FAM184A: variants seen among roughly 807,000 people sequenced by gnomAD.
The protein encoded by FAM184A is family with sequence similarity 184 member A, also known as protein FAM184A.
A neutral mutation model predicts 143.8 loss-of-function variants in FAM184A; 99 were observed. The observed-to-expected ratio is 0.69, with a 90% CI of 0.58 to 0.81. The LOEUF is 0.81. Among genes scored for constraint, FAM184A ranks in the 40% least tolerant of loss-of-function variants. The probability of loss-of-function intolerance (pLI) is 0.00; values close to 1 mark genes in which losing one functional copy is unlikely to be tolerated. For missense variants in FAM184A, 1,217 were observed against 1,310.5 expected (o/e 0.93, Z 1.10); for synonymous variants, 427 against 446.4 (o/e 0.96, Z 0.55).
chr6:119,121,507 C>T lies in FAM184A; in HGVS notation c.-202+27571G>A, dbSNP rs550230581. ...AGAGTTTTAGTTTGAGTGCCATTTC[C>T]GTTAATTTTAAATAGTCCCTGAAAT... On this transcript the variant is annotated intron_variant, in intron 1 of 16. Transcript: ENST00000352896. Among the ~76,000 whole-genome samples the T allele has an allele frequency of 2.5e-4, 38 of 152,200 alleles. No homozygotes were observed. In the South Asian group the frequency reaches 5.2e-3, roughly 21 times the overall value.
intron 1 of FAM184A, among the ~76,000 whole-genome samples, chr6:119,061,069 T>C (rs571095082): frequency 7.6e-4 from 115 of 152,276 alleles, no homozygotes; most frequent in Non-Finnish European, 1.2e-3. Context: ...AAGATAAAGA[T>C]GACACAATTT....
intron 1 of FAM184A, among the ~76,000 whole-genome samples, chr6:119,109,506 T>C (rs1788874744): frequency 6.6e-6 from 1 of 152,170 alleles, no homozygotes; most frequent in African/African-American, 2.4e-5. Flanking sequence ...CTCTCTCAGA[T>C]GTTGGTAAAT....
chr6:119,041,378 G>T (rs1291828830), intron 1 of FAM184A, among the ~76,000 whole-genome samples: 1 of 152,168 alleles, frequency 6.6e-6, no homozygotes, highest in Non-Finnish European at 1.5e-5. Flanking sequence ...CACGGGGCTT[G>T]CAACTTAGCT....
Position 119,024,106 on chromosome 6 carries a change from T to C in FAM184A, c.867A>G (p.Lys289=). ...ASKEKEADLR[K]EFQGQEAILR... is the part of the protein sequence containing the mutation. ...AAATTGCTTCTTGTCCCTGAAATTC[T>C]TTTCTAAGATCAGCTTCCTTTTCTT... The change falls in exon 2 of 18, where the codon AAA becomes AAG. Residue 289 remains lysine, a synonymous_variant. Coordinates refer to ENST00000338891, the MANE Select transcript of FAM184A (RefSeq NM_024581.6). 2 of 1,614,230 alleles carry C rather than the reference T, an allele frequency of 1.2e-6. No homozygotes were observed. The highest frequency in any genetic ancestry group is 1.7e-6 in the Non-Finnish European group (2 of 1,180,040).
intron 1 of FAM184A, among the ~76,000 whole-genome samples, chr6:119,113,818 T>G (rs1179164268): frequency 6.6e-6 from 1 of 152,134 alleles, no homozygotes; most frequent in Non-Finnish European, 1.5e-5. Context: ...GGCTCATGAC[T>G]GTAATCCCAG....
intron 1 of FAM184A, among the ~76,000 whole-genome samples, chr6:119,114,798 T>C (rs1789017076): frequency 6.6e-6 from 1 of 152,110 alleles, no homozygotes. Flanking sequence ...CCCAAAATGC[T>C]AGGATGGCCT....
chr6:119,142,111 C>A (rs1484639639), intron 1 of FAM184A, among the ~76,000 whole-genome samples: 1 of 152,176 alleles, frequency 6.6e-6, no homozygotes, highest in Non-Finnish European at 1.5e-5. Flanking sequence ...TAATCATTCC[C>A]ATCCCTGCTC....
intron 13 of FAM184A, 102 bp downstream of exon 13, chr6:118,974,922 G>A: frequency 2.3e-6 from 2 of 866,768 alleles, no homozygotes; most frequent in Admixed American, 2.8e-5. Flanking sequence ...TATTTTACTA[G>A]AGAGCCAGTC....
chr6:118,989,527 G>T (rs1784301237), intron 9 of FAM184A, among the ~76,000 whole-genome samples: 1 of 151,600 alleles, frequency 6.6e-6, no homozygotes, highest in African/African-American at 2.4e-5. Context: ...AGTTTTTATT[G>T]GAAAATAATT....
intron 1 of FAM184A, among the ~76,000 whole-genome samples, chr6:119,116,001 A>ACACACACACACACACACACG (rs1789050190): frequency 6.6e-6 from 1 of 151,512 alleles, no homozygotes; most frequent in South Asian, 2.1e-4. Context: ...ACACACACAC[A>ACACACACACACACACACACG]CACACATACA....
At chr6:119,132,461 T>C (rs1171963769) in intron 1 of FAM184A, among the ~76,000 whole-genome samples, 1 of 152,248 alleles carries the variant, frequency 6.6e-6, no homozygotes, top group Non-Finnish European at 1.5e-5. Flanking sequence ...GCATTAAAAT[T>C]GTCATCTGGT....
intron 1 of FAM184A, among the ~76,000 whole-genome samples, chr6:119,119,355 A>T (rs1271585469): frequency 6.6e-6 from 1 of 152,084 alleles, no homozygotes; most frequent in African/African-American, 2.4e-5. Context: ...ACTAATAAAA[A>T]CTTGCTGGTT....
chr6:119,078,336 C>T lies in FAM184A; in HGVS notation c.-37G>A. Reference sequence around the variant, plus strand: ...ACCCCAGCCGGGGCACCTGTCCCCGCGGGTGGAGGCAGGCCCGTGGAGCAA... The same window carrying T: ...ACCCCAGCCGGGGCACCTGTCCCCGTGGGTGGAGGCAGGCCCGTGGAGCAA... On this transcript the variant is annotated 5_prime_UTR_variant, in exon 1 of 18. Coordinates refer to ENST00000338891, the MANE Select transcript of FAM184A (RefSeq NM_024581.6). The surrounding 1 kb of genome is among the most constrained non-coding windows in gnomAD (Gnocchi z 5.5). The T allele has an allele frequency of 1.4e-6, 2 of 1,419,310 alleles. No homozygotes were observed. The highest frequency in any genetic ancestry group is 1.8e-6 in the Non-Finnish European group (2 of 1,092,280). 87.9% of individuals were successfully genotyped at this position (1,419,310 alleles called of 1,614,324 possible).
chr6:119,017,799 G>T (rs112314801), intron 4 of FAM184A, among the ~76,000 whole-genome samples: 25 of 152,252 alleles, frequency 1.6e-4, no homozygotes, highest in African/African-American at 5.8e-4. Flanking sequence ...TGGATCATGG[G>T]GGTAAATCCC....
chr6:119,102,726 G>T (rs1283556846), intron 1 of FAM184A, among the ~76,000 whole-genome samples: 1 of 133,208 alleles, frequency 7.5e-6, no homozygotes, highest in Admixed American at 8.7e-5. Flanking sequence ...GGAGGAGGAG[G>T]TTGCAGTGAG....
At chr6:119,001,617 C>T (rs980382174) in intron 9 of FAM184A, among the ~76,000 whole-genome samples, 1 of 151,996 alleles carries the variant, frequency 6.6e-6, no homozygotes, top group Non-Finnish European at 1.5e-5. Flanking sequence ...CAAACTAATA[C>T]AAGAGATTAA....
intron 1 of FAM184A, among the ~76,000 whole-genome samples, chr6:119,057,266 T>C (rs1787016231): frequency 6.6e-6 from 1 of 152,208 alleles, no homozygotes; most frequent in Non-Finnish European, 1.5e-5. Flanking sequence ...GACTGGGAAG[T>C]GTCTAAGCAG....
chr6:119,126,381 T>G (rs1256389893), intron 1 of FAM184A, among the ~76,000 whole-genome samples: 1 of 152,210 alleles, frequency 6.6e-6, no homozygotes, highest in Non-Finnish European at 1.5e-5. Context: ...AACAGGAAAT[T>G]TTCCCTGACC....
intron 1 of FAM184A, among the ~76,000 whole-genome samples, chr6:119,039,361 A>C (rs1786232740): frequency 6.6e-6 from 1 of 152,238 alleles, no homozygotes; most frequent in Admixed American, 6.5e-5. Context: ...CTTTATTCAA[A>C]AGTGCCAAAT....
Sources: allele counts gnomAD v4.1 joint callset (sites outside exome capture counted in the v4.1 genomes callset), GRCh38; gene constraint gnomAD v4.1.1; non-coding constraint Gnocchi (gnomAD v3.1); transcripts MANE v1.5; gene names NCBI Gene and HGNC (gene_info 2026-07-23, HGNC 2026-07-21).